Variants in TTLL5 observed in about 807,000 individuals in gnomAD.
TTLL5 encodes the protein tubulin tyrosine ligase like 5.
TTLL5 carries 132 observed loss-of-function variants against 168.4 expected under a neutral mutation model. The ratio of observed to expected loss-of-function variants is 0.78; its 90% CI spans 0.68 to 0.91. The LOEUF (loss-of-function observed/expected upper bound fraction) is 0.91, where lower values mean the gene tolerates loss of function less well. Among genes scored for constraint, TTLL5 ranks in the 40% least tolerant of loss-of-function variants. TTLL5 has a pLI of 0.00. For missense variants in TTLL5, 1,545 were observed against 1,581.5 expected (o/e 0.98, Z 0.39); for synonymous variants, 546 against 558.6 (o/e 0.98, Z 0.32).
At chr14:75,801,597 C>G (rs1893330072) in intron 27 of TTLL5, among the ~76,000 whole-genome samples, 1 of 152,116 alleles carries the variant, frequency 6.6e-6, no homozygotes, top group East Asian at 1.9e-4. Context: ...ATTAACCATC[C>G]CTACTTCCCC....
intron 28 of TTLL5, among the ~76,000 whole-genome samples, chr14:75,821,196 C>A (rs1894809974): frequency 6.6e-6 from 1 of 152,196 alleles, no homozygotes; most frequent in African/African-American, 2.4e-5. Flanking sequence ...TAGATATAAG[C>A]ACATTACATC....
chr14:75,780,654 A>C (rs890745674), intron 24 of TTLL5, among the ~76,000 whole-genome samples: 4 of 152,224 alleles, frequency 2.6e-5, no homozygotes, highest in African/African-American at 4.8e-5. Context: ...TAATATGGAA[A>C]TAGCCAGGAA....
chr14:75,913,524 C>T (rs1313902109), intron 31 of TTLL5, among the ~76,000 whole-genome samples: 3 of 152,072 alleles, frequency 2.0e-5, no homozygotes, highest in African/African-American at 7.2e-5. Context: ...TAGGGTCTAG[C>T]ATAGTGCCCA....
chr14:75,791,105 C>CCAAA (rs1555346096), intron 26 of TTLL5, among the ~76,000 whole-genome samples: 1 of 77,276 alleles, frequency 1.3e-5, no homozygotes, highest in Non-Finnish European at 2.2e-5. Flanking sequence ...GACTCTGTCT[C>CCAAA]AAAAAAAAAA....
chr14:75,700,631 G>A (rs770100521), intron 7 of TTLL5, among the ~76,000 whole-genome samples: 1 of 152,176 alleles, frequency 6.6e-6, no homozygotes, highest in Non-Finnish European at 1.5e-5. Flanking sequence ...GGTGAAACAG[G>A]CACTTGGGTC....
chr14:75,936,065 T>C (rs1316344403), intron 31 of TTLL5, among the ~76,000 whole-genome samples: 1 of 152,170 alleles, frequency 6.6e-6, no homozygotes, highest in African/African-American at 2.4e-5. Context: ...TTTTTGTCAT[T>C]AGAGTTTGAA....
chr14:75,820,308 T>A, intron 28 of TTLL5, 147 bp downstream of exon 28: 1 of 749,604 alleles, frequency 1.3e-6, no homozygotes, highest in Non-Finnish European at 1.9e-6. Context: ...GGCACCTGAC[T>A]AAGAGAGCCT....
chr14:75,929,693 T>G (rs2034209967), intron 31 of TTLL5, among the ~76,000 whole-genome samples: 1 of 152,154 alleles, frequency 6.6e-6, no homozygotes, highest in East Asian at 1.9e-4. Flanking sequence ...TCTCAGGTGA[T>G]CTACCCACCT....
intron 31 of TTLL5, among the ~76,000 whole-genome samples, chr14:75,939,747 G>A (rs1200092339): frequency 6.6e-6 from 1 of 152,142 alleles, no homozygotes; most frequent in Non-Finnish European, 1.5e-5. Context: ...CTAATCTTCA[G>A]ATAGAGAACT....
chr14:75,890,573 A>G (rs889205707), intron 30 of TTLL5, among the ~76,000 whole-genome samples: 4 of 152,192 alleles, frequency 2.6e-5, no homozygotes, highest in African/African-American at 9.6e-5. Context: ...TTGAAGAAAA[A>G]GAAGATTTAA....
chr14:75,946,408 A>G (rs1352376567), intron 31 of TTLL5, among the ~76,000 whole-genome samples: 1 of 152,242 alleles, frequency 6.6e-6, no homozygotes, highest in Non-Finnish European at 1.5e-5. Context: ...GAGAAAGTGG[A>G]ATGAGATAGA....
chr14:75,876,338 A>T (rs2031478604), intron 29 of TTLL5, among the ~76,000 whole-genome samples: 1 of 152,228 alleles, frequency 6.6e-6, no homozygotes, highest in African/African-American at 2.4e-5. Flanking sequence ...CAGTTAATTT[A>T]GGGACTCTCT....
At chr14:75,741,275 A>G (rs1889248917) in intron 15 of TTLL5, among the ~76,000 whole-genome samples, 2 of 152,194 alleles carry the variant, frequency 1.3e-5, no homozygotes, top group African/African-American at 4.8e-5. Context: ...GACAGTTTAT[A>G]ATTTATCTGA....
At chr14:75,750,592 G>A (rs1409733300) in intron 17 of TTLL5, among the ~76,000 whole-genome samples, 1 of 151,888 alleles carries the variant, frequency 6.6e-6, no homozygotes, top group Non-Finnish European at 1.5e-5. Context: ...TCCACTTTTT[G>A]TGTTATTGAT....
chr14:75,904,124 A>G (rs187666689), intron 31 of TTLL5: 2 of 1,272,058 alleles, frequency 1.6e-6, no homozygotes. Context: ...ATAGGAGTAT[A>G]AGGATGTGTT....
At chr14:75,736,597 G>A (rs148475208) in intron 15 of TTLL5, among the ~76,000 whole-genome samples, 6 of 152,148 alleles carry the variant, frequency 3.9e-5, no homozygotes, top group Non-Finnish European at 4.4e-5. Context: ...TGTGGGCCAG[G>A]TGTTATGAGA....
At chr14:75,850,672 CACCGTGATTTAA>C (rs1197814231) in intron 28 of TTLL5, among the ~76,000 whole-genome samples, 1 of 152,014 alleles carries the variant, frequency 6.6e-6, no homozygotes, top group Non-Finnish European at 1.5e-5. Flanking sequence ...AGGCAGGATT[CACCGTGATTTAA>C]ACGGGCTAGA....
intron 28 of TTLL5, among the ~76,000 whole-genome samples, chr14:75,861,756 G>A (rs1033543848): frequency 6.6e-6 from 1 of 152,072 alleles, no homozygotes; most frequent in Non-Finnish European, 1.5e-5. Context: ...ATTAAAGATG[G>A]TCCCAAGAAG....
intron 30 of TTLL5, among the ~76,000 whole-genome samples, chr14:75,885,080 C>T (rs915873960): frequency 6.6e-6 from 1 of 151,774 alleles, no homozygotes; most frequent in African/African-American, 2.4e-5. Flanking sequence ...GAGGCTGAGG[C>T]GGGAGAATGG....
Sources: gnomAD v4.1 joint callset for allele counts (sites outside exome capture counted in the v4.1 genomes callset) on GRCh38, gnomAD v4.1.1 for gene constraint, MANE v1.5 for transcripts, NCBI Gene and HGNC (gene_info 2026-07-23, HGNC 2026-07-21) for gene names.